The following SBF2 variants were observed in gnomAD, a reference collection of about 807,000 sequenced individuals.
The protein encoded by SBF2 is SET binding factor 2.
SBF2 carries 112 observed loss-of-function variants against 225.2 expected under a neutral mutation model. That is an observed-to-expected ratio of 0.50 (90% confidence interval 0.43 to 0.58). The LOEUF is 0.58. SBF2 is among the 20% of genes least tolerant of loss of function. The pLI is 0.00. For synonymous variants in SBF2, 763 were observed against 773.3 expected (o/e 0.99, Z 0.22); for missense variants, 1,996 against 2,206.2 (o/e 0.90, Z 1.91).
intron 19 of SBF2, among the ~76,000 whole-genome samples, chr11:9,856,211 A>G (rs1305690570): frequency 6.6e-6 from 1 of 152,236 alleles, no homozygotes; most frequent in South Asian, 2.1e-4. Flanking sequence ...GGGCTGGATC[A>G]GTAATGGGTG....
chr11:9,959,644 C>G, intron 16 of SBF2: 3 of 752,800 alleles, frequency 4.0e-6, no homozygotes, highest in Non-Finnish European at 7.5e-6. Context: ...AACTCTTCCA[C>G]ACGCTTGGGT....
chr11:9,782,699 C>T (rs7113459), intron 38 of SBF2, among the ~76,000 whole-genome samples: 55,083 of 151,482 alleles, frequency 0.36, 10,305 homozygotes, highest in Non-Finnish European at 0.4. Flanking sequence ...GGTGAAACCC[C>T]GTCTCTACTA....
chr11:10,078,330 A>G (rs766544635), intron 2 of SBF2, among the ~76,000 whole-genome samples: 4 of 152,180 alleles, frequency 2.6e-5, no homozygotes, highest in Non-Finnish European at 2.9e-5. Context: ...ACATGAACAC[A>G]TATGTTTACT....
intron 2 of SBF2, among the ~76,000 whole-genome samples, chr11:10,067,777 T>C (rs1195696714): frequency 6.6e-6 from 1 of 151,960 alleles, no homozygotes; most frequent in Non-Finnish European, 1.5e-5. Flanking sequence ...TGTCTGTGCA[T>C]CCAGCTCGAG....
At chr11:10,266,280 A>G (rs1010370668) in intron 1 of SBF2, among the ~76,000 whole-genome samples, 4 of 152,184 alleles carry the variant, frequency 2.6e-5, no homozygotes, top group African/African-American at 9.7e-5. Context: ...TACCTCATAC[A>G]GACCCTCACT....
At chr11:10,028,649 A>C in intron 5 of SBF2, 92 bp from the exon 6 acceptor site, 37 of 833,980 alleles carry the variant, frequency 4.4e-5, no homozygotes, top group African/African-American at 5.0e-5. Context: ...TTTTAGAGCA[A>C]ACGACCATGT....
chr11:9,809,108 C>T (rs1590132949), intron 30 of SBF2, 106 bp from the exon 31 acceptor site: 8 of 774,020 alleles, frequency 1.0e-5, no homozygotes, highest in East Asian at 2.6e-5. Flanking sequence ...AGGGATAAAG[C>T]GCTTGCACAA....
At chr11:10,125,898 G>A (rs1430139494) in intron 2 of SBF2, among the ~76,000 whole-genome samples, 1 of 152,178 alleles carries the variant, frequency 6.6e-6, no homozygotes, top group Non-Finnish European at 1.5e-5. Flanking sequence ...CAAAATTTGG[G>A]TTTATTTTCT....
intron 19 of SBF2, among the ~76,000 whole-genome samples, chr11:9,854,495 T>C (rs977841617): frequency 4.6e-5 from 7 of 152,214 alleles, no homozygotes; most frequent in South Asian, 2.1e-4. Flanking sequence ...GTGTTAGAGA[T>C]TGTTAAAGTA....
intron 32 of SBF2, among the ~76,000 whole-genome samples, chr11:9,797,685 ACTGG>A (rs1264586305): frequency 1.1e-4 from 17 of 152,238 alleles, no homozygotes; most frequent in Non-Finnish European, 2.4e-4. Flanking sequence ...AATTATAAAA[ACTGG>A]CTGGGCGTGG....
intron 2 of SBF2, among the ~76,000 whole-genome samples, chr11:10,143,954 C>T (rs984089552): frequency 5.3e-5 from 8 of 151,956 alleles, no homozygotes; most frequent in Non-Finnish European, 2.9e-5. Context: ...CTCCTGACCT[C>T]GTGATCCGCC....
At chr11:10,101,360 T>C (rs1474881739) in intron 2 of SBF2, among the ~76,000 whole-genome samples, 2 of 152,208 alleles carry the variant, frequency 1.3e-5, no homozygotes, top group African/African-American at 4.8e-5. Context: ...TGTTTTGTTA[T>C]ATGTATTTTG....
At position 9,944,874 on chromosome 11, in the gene SBF2, T is replaced by C. The variant is rs552660863; in HGVS notation, c.1860+17083A>G. ...TAATCCCACCATTTTGGGAGGCTGA[T>C]GCAGGAGGAATGCTTGAGGCCAAGA... On this transcript the variant is annotated intron_variant, in intron 16 of 39. Coordinates refer to ENST00000256190, the MANE Select transcript of SBF2 (RefSeq NM_030962.4). Among the ~76,000 whole-genome samples, 577 of 152,218 alleles carry C rather than the reference T, an allele frequency of 3.8e-3. 4 individuals carry two copies. The highest frequency in any genetic ancestry group is 5.4e-3 in the South Asian group (26 of 4,822).
At chr11:9,931,983 T>G (rs1207381154) in intron 16 of SBF2, among the ~76,000 whole-genome samples, 1 of 150,434 alleles carries the variant, frequency 6.6e-6, no homozygotes, top group Admixed American at 6.6e-5. Flanking sequence ...TCGTGACGCA[T>G]GCACAAGCTT....
chr11:10,279,931 G>C lies in SBF2; in HGVS notation c.55+14084C>G, dbSNP rs1361665291. 2.0e-5 allele frequency among the ~76,000 whole-genome samples: 3 copies of C among 152,314 alleles called. No homozygotes were observed. The East Asian group carries it at 5.8e-4, about 29-fold the overall frequency. On this transcript the variant is annotated intron_variant, in intron 1 of 39. Transcript: ENST00000256190. ...CCCAAAGTGCTGGGATTACAGGCGTGAGCCACCACGCCTGGCCGATCAGTG... is the reference window on the plus strand; with the variant it reads ...CCCAAAGTGCTGGGATTACAGGCGTCAGCCACCACGCCTGGCCGATCAGTG...
At chr11:9,795,653 G>T (rs575106570) in intron 33 of SBF2, among the ~76,000 whole-genome samples, 178 bp downstream of exon 33, 18 of 152,298 alleles carry the variant, frequency 1.2e-4, no homozygotes, top group African/African-American at 4.3e-4. Flanking sequence ...CACCTGCTAA[G>T]AGCTAACGTG....
At chr11:10,236,208 T>C (rs61889785) in intron 1 of SBF2, among the ~76,000 whole-genome samples, 16,119 of 152,124 alleles carry the variant, frequency 0.11, 1,005 homozygotes, top group Non-Finnish European at 0.11. Flanking sequence ...TCCCATCAAA[T>C]TGGGAGGCCC....
chr11:9,926,951 C>G (rs1239301049), intron 16 of SBF2, among the ~76,000 whole-genome samples: 1 of 151,666 alleles, frequency 6.6e-6, no homozygotes, highest in African/African-American at 2.4e-5. Flanking sequence ...CAATGAAACC[C>G]GAAACTGGTT....
At chr11:9,794,596 T>TA (rs926781554) in intron 33 of SBF2, among the ~76,000 whole-genome samples, 1 of 138,038 alleles carries the variant, frequency 7.2e-6, no homozygotes, top group Non-Finnish European at 1.5e-5. Context: ...ACCTGGGAAA[T>TA]AGAGGTTGCA....
Sources: allele counts gnomAD v4.1 joint callset (sites outside exome capture counted in the v4.1 genomes callset), GRCh38; gene constraint gnomAD v4.1.1; transcripts MANE v1.5; gene names NCBI Gene and HGNC (gene_info 2026-07-23, HGNC 2026-07-21).